ZNF729: variants seen among roughly 807,000 people sequenced by gnomAD.
The protein encoded by ZNF729 is zinc finger protein 729.
ZNF729 carries 15 observed loss-of-function variants against 12.2 expected under a neutral mutation model. That is an observed-to-expected ratio of 1.23 (90% CI 0.82 to 1.89). The LOEUF (loss-of-function observed/expected upper bound fraction) is 1.89, where lower values mean the gene tolerates loss of function less well. Among genes scored for constraint, ZNF729 ranks in the 40% most tolerant of loss-of-function variants. The pLI is 0.00. For missense variants in ZNF729, 1,540 were observed against 1,456.7 expected (o/e 1.06, Z -0.93); for synonymous variants, 492 against 476.3 (o/e 1.03, Z -0.43).
At chr19:22,301,052 G>A (rs1968298286) in intron 1 of ZNF729, among the ~76,000 whole-genome samples, 1 of 145,624 alleles carries the variant, frequency 6.9e-6, no homozygotes, top group African/African-American at 2.8e-5. Flanking sequence ...TTTGAACTAT[G>A]TATTCATCTT....
chr19:22,286,691 TCA>T, intron 1 of ZNF729, 136 bp downstream of exon 1: 1 of 1,120,184 alleles, frequency 8.9e-7, no homozygotes, highest in Non-Finnish European at 1.3e-6. Flanking sequence ...CATCTCGGCC[TCA>T]GTCTCCTTCA....
intron 2 of ZNF729, among the ~76,000 whole-genome samples, chr19:22,304,205 AT>A (rs1568574298): frequency 6.6e-6 from 1 of 151,772 alleles, no homozygotes; most frequent in Non-Finnish European, 1.5e-5. Context: ...CACCCGGCTA[AT>A]TTTTTTGTAT....
intron 1 of ZNF729, among the ~76,000 whole-genome samples, chr19:22,298,209 GAATATAAGGCCAAAAC>G (rs1968257509): frequency 6.6e-6 from 1 of 151,902 alleles, no homozygotes; most frequent in Non-Finnish European, 1.5e-5. Context: ...TCAGTAGTAT[GAATATAAGGCCAAAAC>G]ATTTACTTTG....
chr19:22,289,743 A>G (rs1968129108), intron 1 of ZNF729, among the ~76,000 whole-genome samples: 1 of 152,128 alleles, frequency 6.6e-6, no homozygotes, highest in South Asian at 2.1e-4. Flanking sequence ...ATTCATGAAA[A>G]CATCAGTTCC....
chr19:22,307,332 T>A (rs1330027702), intron 3 of ZNF729, among the ~76,000 whole-genome samples: 1 of 151,042 alleles, frequency 6.6e-6, no homozygotes, highest in Admixed American at 6.6e-5. Context: ...TTTTTTTTTT[T>A]TTTTTTTTTT....
intron 1 of ZNF729, among the ~76,000 whole-genome samples, chr19:22,291,502 A>G (rs764623907): frequency 2.4e-5 from 3 of 122,876 alleles, no homozygotes; most frequent in Non-Finnish European, 3.6e-5. Context: ...AAAACTCACA[A>G]AAGTGTCTAC....
In ZNF729 at chr19:22,290,391, T is replaced by C. The variant is rs578048904; in HGVS notation, c.30+3836T>C. Among the ~76,000 whole-genome samples, 43 of 152,286 alleles carry C rather than the reference T, an allele frequency of 2.8e-4. 1 individual carries two copies. The highest frequency in any genetic ancestry group is 3.4e-3 in the Middle Eastern group (1 of 294). On this transcript the variant is annotated intron_variant, in intron 1 of 3. Transcript: ENST00000601693. ...AAGTAAAACAAAGTTAGATTTATGT[T>C]GGAAAAAGAATTGAATTCCAAAAGA...
chr19:22,315,801 C>A lies in ZNF729; in HGVS notation c.2384C>A (p.Pro795His). The change falls in exon 4 of 4, where the codon CCC (proline) becomes CAC (histidine). Residue 795 changes from proline to histidine, a missense_variant. By Grantham distance (77) the Pro-to-His change is moderately conservative (BLOSUM62 -2). Transcript: ENST00000601693. ...AAGGTAATTCATACTGGAGAGAAAC[C>A]CTACAAGTGTGAAGAATGTGGTAAA... The part of the protein sequence containing the change: ...KHKVIHTGEK[P>H]YKCEECGKAF... The A allele has an allele frequency of 1.2e-6, 2 of 1,610,486 alleles. No individual in the cohort carries two copies. The highest frequency in any genetic ancestry group is 8.5e-7 in the Non-Finnish European group (1 of 1,179,644).
rs758772570 is a variant in ZNF729 at position 22,315,501 on chromosome 19, A to T, written c.2084A>T (p.His695Leu). ...GAAGAATGTGGCAAAGCTTTTAGCC[A>T]TTTCTCAGCCCTTAGAAGACATAAG... ...KCEECGKAFS[H>L]FSALRRHKII... Residue 695 changes from histidine (H) to leucine (L), a missense_variant, in exon 4 of 4, where the codon CAT becomes CTT. Coordinates refer to ENST00000601693, the MANE Select transcript of ZNF729 (RefSeq NM_001242680.2). 1.5e-5 allele frequency: 24 copies of T among 1,611,410 alleles called. No homozygotes were observed. The highest frequency in any genetic ancestry group is 2.0e-5 in the Non-Finnish European group (24 of 1,179,316).
chr19:22,312,295 G>A (rs866430664), intron 3 of ZNF729, among the ~76,000 whole-genome samples: 28 of 151,876 alleles, frequency 1.8e-4, no homozygotes, highest in African/African-American at 6.5e-4. Flanking sequence ...CATTGTAATC[G>A]TTGATTAAAA....
intron 3 of ZNF729, among the ~76,000 whole-genome samples, chr19:22,312,924 G>A (rs1017180480): frequency 2.0e-5 from 3 of 152,080 alleles, no homozygotes; most frequent in African/African-American, 7.2e-5. Flanking sequence ...TGTTGGTCAC[G>A]CTGGTCTCGA....
chr19:22,309,539 G>T (rs1287833023), intron 3 of ZNF729, among the ~76,000 whole-genome samples: 1 of 152,092 alleles, frequency 6.6e-6, no homozygotes, highest in Non-Finnish European at 1.5e-5. Flanking sequence ...TTATTTCTGG[G>T]TTCTCTATTC....
intron 1 of ZNF729, among the ~76,000 whole-genome samples, chr19:22,289,347 TC>T (rs1251970212): frequency 2.0e-5 from 3 of 151,614 alleles, no homozygotes; most frequent in African/African-American, 7.3e-5. Context: ...TGCCTCAGCC[TC>T]CTGACTAGCT....
At chr19:22,304,437 TTGAG>T (rs1387922637) in intron 2 of ZNF729, among the ~76,000 whole-genome samples, 15 of 152,330 alleles carry the variant, frequency 9.8e-5, no homozygotes, top group African/African-American at 3.4e-4. Context: ...ATTGCTGAAA[TTGAG>T]TGGCATAAAA....
Position 22,286,563 on chromosome 19 carries a change from T to C in ZNF729, c.30+8T>C. On this transcript the variant is annotated splice_region_variant and intron_variant, in intron 1 of 3. Coordinates refer to ENST00000601693, the MANE Select transcript of ZNF729 (RefSeq NM_001242680.2). Reference sequence around the variant, plus strand: ...CCTGGCAGCCTAGAAATGGTGAGAGTGCCGGGTCCGACATCCCGAGAAGGG... The same window carrying C: ...CCTGGCAGCCTAGAAATGGTGAGAGCGCCGGGTCCGACATCCCGAGAAGGG... 1 of 1,613,196 alleles carries C rather than the reference T, an allele frequency of 6.2e-7. No homozygotes were observed. The highest frequency in any genetic ancestry group is 8.5e-7 in the Non-Finnish European group (1 of 1,179,812).
intron 3 of ZNF729, among the ~76,000 whole-genome samples, chr19:22,305,068 C>T (rs546519877): frequency 3.3e-5 from 5 of 152,278 alleles, no homozygotes; most frequent in African/African-American, 1.2e-4. Flanking sequence ...ACTGCTTTTC[C>T]ATTGTTATTG....
intron 2 of ZNF729, among the ~76,000 whole-genome samples, chr19:22,304,119 A>G (rs1478718441): frequency 3.4e-5 from 5 of 149,250 alleles, no homozygotes; most frequent in African/African-American, 9.9e-5. Flanking sequence ...GCTCACTGCA[A>G]CCTCCACCTC....
At chr19:22,312,880 A>G (rs1473755729) in intron 3 of ZNF729, among the ~76,000 whole-genome samples, 1 of 151,704 alleles carries the variant, frequency 6.6e-6, no homozygotes, top group Admixed American at 6.6e-5. Flanking sequence ...CGCCCAGCTA[A>G]TTTTCTATTT....
At chr19:22,288,855 C>A (rs1968115152) in intron 1 of ZNF729, among the ~76,000 whole-genome samples, 2 of 151,654 alleles carry the variant, frequency 1.3e-5, no homozygotes, top group South Asian at 2.1e-4. Flanking sequence ...TCTTTGAAAT[C>A]AAAAATAATA....
Sources: gnomAD v4.1 joint callset for allele counts (sites outside exome capture counted in the v4.1 genomes callset) on GRCh38, gnomAD v4.1.1 for gene constraint, MANE v1.5 for transcripts, NCBI Gene and HGNC (gene_info 2026-07-23, HGNC 2026-07-21) for gene names.